TMEM116: variants seen among roughly 807,000 people sequenced by gnomAD.
The protein encoded by TMEM116 is transmembrane protein 116.
TMEM116 carries 38 observed loss-of-function variants against 44.3 expected under a neutral mutation model. The ratio of observed to expected loss-of-function variants is 0.86; its 90% CI spans 0.66 to 1.12. The LOEUF is 1.12. Ranked by LOEUF, TMEM116 falls within the 50% of genes most tolerant of loss-of-function variation. TMEM116 has a pLI of 0.00. For synonymous variants in TMEM116, 132 were observed against 144.8 expected, an observed-to-expected ratio of 0.91 and a Z score of 0.64; for missense variants, 354 against 401.7, an observed-to-expected ratio of 0.88 and a Z score of 1.01.
intron 4 of TMEM116, among the ~76,000 whole-genome samples, chr12:111,953,469 G>C (rs148923582): frequency 4.2e-4 from 64 of 152,264 alleles, no homozygotes; most frequent in Middle Eastern, 3.4e-3. Context: ...CTGACAAATG[G>C]AGCCAGGGAA....
intron 4 of TMEM116, among the ~76,000 whole-genome samples, chr12:111,956,500 C>T (rs990495698): frequency 6.6e-6 from 1 of 152,126 alleles, no homozygotes; most frequent in Admixed American, 6.5e-5. Context: ...TAGGACCCCT[C>T]CCTCTCCCTC....
intron 10 of TMEM116, 138 bp downstream of exon 10, chr12:111,932,448 G>A (rs1342859009): frequency 4.2e-6 from 3 of 709,790 alleles, no homozygotes; most frequent in Non-Finnish European, 4.8e-6. Context: ...CTTCATAACT[G>A]AGTGTAAATA....
chr12:111,936,921 C>A, intron 7 of TMEM116, 91 bp from the exon 8 acceptor site: 1 of 1,405,148 alleles, frequency 7.1e-7, no homozygotes, highest in South Asian at 1.4e-5. Flanking sequence ...TTTTACTTAT[C>A]ATTTTGCTAA....
intron 8 of TMEM116, chr12:111,934,667 A>G (rs548973984): frequency 6.6e-6 from 1 of 152,248 alleles, no homozygotes; most frequent in East Asian, 1.9e-4. Context: ...CTGAGGCAGG[A>G]GAATTGCTTG....
At chr12:111,952,168 G>A (rs2136320945) in intron 4 of TMEM116, among the ~76,000 whole-genome samples, 1 of 152,234 alleles carries the variant, frequency 6.6e-6, no homozygotes, top group East Asian at 1.9e-4. Context: ...GATGGAGATT[G>A]CAGTGAGCCA....
intron 4 of TMEM116, among the ~76,000 whole-genome samples, chr12:111,977,974 GA>G (rs1217509148): frequency 6.7e-6 from 1 of 148,428 alleles, no homozygotes; most frequent in Non-Finnish European, 1.5e-5. Flanking sequence ...ACCAGAAAAA[GA>G]AAAAAAGAGG....
Position 111,931,646 on chromosome 12 carries a change from G to T in TMEM116, c.989C>A (p.Pro330His), listed in dbSNP as rs1289648119. 2 of 1,614,084 alleles carry T rather than the reference G, an allele frequency of 1.2e-6. No individual in the cohort carries two copies. Among genetic ancestry groups the T allele is most frequent in the African/African-American group, 2.7e-5 (2 of 74,938 alleles). Residue 330 changes from proline (P) to histidine (H), a missense_variant, in exon 11 of 11, where the codon CCT becomes CAT. Transcript: ENST00000552374. ...TCAAAAAATGGTAGAAGTACTGGCA[G>T]GAAAAGTCAGGGTGGATTCCAGTGA... The part of the protein sequence containing the change: ...LNSLESTLTF[P>H]ASTSTIF
At chr12:111,988,105 C>T (rs573033608) in intron 4 of TMEM116, among the ~76,000 whole-genome samples, 9 of 152,170 alleles carry the variant, frequency 5.9e-5, no homozygotes, top group South Asian at 2.1e-4. Flanking sequence ...TCCACTGATA[C>T]GAGGTACCTA....
At chr12:112,004,012 G>T (rs1182839735) in intron 2 of TMEM116, 149 bp from the exon 3 acceptor site, 8 of 1,174,352 alleles carry the variant, frequency 6.8e-6, no homozygotes, top group Non-Finnish European at 8.9e-6. Context: ...ACAGGGTCTT[G>T]CTATGTCAGC....
intron 8 of TMEM116, 114 bp from the exon 9 acceptor site, chr12:111,934,144 C>T: frequency 8.2e-7 from 1 of 1,214,278 alleles, no homozygotes; most frequent in Non-Finnish European, 1.1e-6. Flanking sequence ...ACAGGAACGA[C>T]CCCATTCTCT....
At chr12:111,946,120 C>T (rs943697236) in intron 4 of TMEM116, among the ~76,000 whole-genome samples, 4 of 152,196 alleles carry the variant, frequency 2.6e-5, no homozygotes, top group African/African-American at 4.8e-5. Context: ...ATTCTGTACT[C>T]CTGGATTTTC....
chr12:111,967,158 G>A (rs1187607676), intron 4 of TMEM116, among the ~76,000 whole-genome samples: 1 of 152,106 alleles, frequency 6.6e-6, no homozygotes, highest in Non-Finnish European at 1.5e-5. Flanking sequence ...TAAATCTGAT[G>A]TAGATTAGAA....
intron 3 of TMEM116, chr12:111,992,877 A>G (rs1347445644): frequency 6.6e-6 from 1 of 152,106 alleles, no homozygotes; most frequent in Non-Finnish European, 1.5e-5. Context: ...ATCTCAACCT[A>G]TTTTCCTGTG....
intron 4 of TMEM116, among the ~76,000 whole-genome samples, chr12:111,968,805 C>T (rs1054159483): frequency 5.3e-5 from 8 of 151,520 alleles, no homozygotes; most frequent in African/African-American, 1.9e-4. Context: ...CTAGCCTGAC[C>T]AATATGGTGA....
At chr12:111,980,604 T>C (rs562572628) in intron 4 of TMEM116, among the ~76,000 whole-genome samples, 1 of 152,268 alleles carries the variant, frequency 6.6e-6, no homozygotes, top group South Asian at 2.1e-4. Context: ...GGTTCATTAA[T>C]TGTAATAAAT....
At chr12:112,011,625 C>T (rs2077841298) in intron 1 of TMEM116, 2 of 152,250 alleles carry the variant, frequency 1.3e-5, no homozygotes, top group Admixed American at 1.3e-4. Flanking sequence ...CCTCTTCCAA[C>T]TAGACTATTG....
chr12:111,938,040 T>G, intron 6 of TMEM116, 121 bp downstream of exon 6: 2 of 528,858 alleles, frequency 3.8e-6, no homozygotes, highest in Non-Finnish European at 6.6e-6. Context: ...GTTTCTAAGT[T>G]AGGCTCTGTG....
At chr12:111,947,665 G>C (rs1386057023) in intron 4 of TMEM116, among the ~76,000 whole-genome samples, 1 of 152,118 alleles carries the variant, frequency 6.6e-6, no homozygotes, top group Non-Finnish European at 1.5e-5. Flanking sequence ...GTTATTCAAA[G>C]GTTGTGTCAT....
chr12:111,976,278 G>A (rs1462305521), intron 4 of TMEM116, among the ~76,000 whole-genome samples: 11 of 152,110 alleles, frequency 7.2e-5, no homozygotes, highest in African/African-American at 2.2e-4. Flanking sequence ...AATGGGGTAA[G>A]GGAGGGAACC....
Sources: gnomAD v4.1 joint callset for allele counts (sites outside exome capture counted in the v4.1 genomes callset) on GRCh38, gnomAD v4.1.1 for gene constraint, MANE v1.5 for transcripts, NCBI Gene and HGNC (gene_info 2026-07-23, HGNC 2026-07-21) for gene names.